Variants in MMP28 observed in about 807,000 individuals in gnomAD.
MMP28 encodes the protein matrix metallopeptidase 28.
MMP28 carries 55 observed loss-of-function variants against 60.5 expected under a neutral mutation model. The observed-to-expected ratio is 0.91, with a 90% CI of 0.73 to 1.14. MMP28 has a LOEUF of 1.14. Among genes scored for constraint, MMP28 ranks in the 50% most tolerant of loss-of-function variants. The pLI, the probability that MMP28 is intolerant of heterozygous loss-of-function variation, is 0.00. For missense variants in MMP28, 686 were observed against 738.3 expected (o/e 0.93, Z 0.82); for synonymous variants, 318 against 312.5 (o/e 1.02, Z -0.18).
chr17:35,775,792 A>G (rs775726127), intron 3 of MMP28, among the ~76,000 whole-genome samples: 8 of 152,134 alleles, frequency 5.3e-5, no homozygotes, highest in Non-Finnish European at 8.8e-5. Flanking sequence ...GGTGCCCCCA[A>G]CCTCCGCCAG....
intron 3 of MMP28, among the ~76,000 whole-genome samples, chr17:35,774,864 G>A (rs2086278463): frequency 6.6e-6 from 1 of 152,226 alleles, no homozygotes; most frequent in South Asian, 2.1e-4. Context: ...TGATGTACCA[G>A]TCATGCTTCT....
intron 1 of MMP28, among the ~76,000 whole-genome samples, chr17:35,781,008 C>T (rs909902788): frequency 6.6e-6 from 1 of 152,072 alleles, no homozygotes; most frequent in Non-Finnish European, 1.5e-5. Context: ...GAGAAGCTTG[C>T]CATGCAATGA....
In MMP28 at chr17:35,793,377, A is replaced by C. The variant is rs1319025205; in HGVS notation, c.111+1890T>G. On this transcript the variant is annotated intron_variant, in intron 1 of 7. Coordinates refer to ENST00000605424, the MANE Select transcript of MMP28 (RefSeq NM_024302.5). ...GCAGGGAGGTGGGGTGGGACTCTTAACAAGACTTGGCTTGGCAGACAGAAG... is the reference window on the plus strand; with the variant it reads ...GCAGGGAGGTGGGGTGGGACTCTTACCAAGACTTGGCTTGGCAGACAGAAG... Among the ~76,000 whole-genome samples, 3 of 151,810 alleles carry C rather than the reference A, an allele frequency of 2.0e-5. No individual in the cohort carries two copies. In the East Asian group the frequency reaches 5.8e-4, roughly 29 times the overall value.
downstream of MMP28, chr17:35,764,225 A>G (rs1280173310): frequency 1.2e-5 from 19 of 1,544,620 alleles, no homozygotes; most frequent in Non-Finnish European, 1.6e-5. Context: ...CCAGGAGTCC[A>G]GCACCCAGCA....
At chr17:35,787,891 T>C (rs538190873) in intron 1 of MMP28, among the ~76,000 whole-genome samples, 2 of 150,396 alleles carry the variant, frequency 1.3e-5, no homozygotes, top group East Asian at 2.0e-4. Flanking sequence ...CACTCTTTTT[T>C]TCTTTCCCTT....
chr17:35,757,387 A>T (rs2085751860), intron 2 of MMP28: 1 of 152,120 alleles, frequency 6.6e-6, no homozygotes, highest in Non-Finnish European at 1.5e-5. Context: ...GCTTCTGAGA[A>T]GTCTCTGCCA....
rs565635812 is a variant in MMP28, at chr17:35,783,769, G to A, written c.112-4446C>T. Among the ~76,000 whole-genome samples the A allele has an allele frequency of 5.3e-5, 8 of 152,202 alleles. No homozygotes were observed. The South Asian group carries it at 1.5e-3, about 28-fold the overall frequency. ...ACTCTGGCAGGCAAGACGGGGTGGA[G>A]GGCAGGATGGGGGTTGGGGGTGAGG... is the stretch of plus-strand genomic sequence containing the variant. On this transcript the variant is annotated intron_variant, in intron 1 of 7. Transcript: ENST00000605424.
rs113987867 is a variant in MMP28 at position 35,779,327 on chromosome 17, C to A, written c.112-4G>T. 8 of 1,609,898 alleles carry A rather than the reference C, an allele frequency of 5.0e-6. No homozygotes were observed. Among genetic ancestry groups the A allele is most frequent in the South Asian group, 1.1e-5 (1 of 90,006 alleles). On this transcript the variant is annotated splice_region_variant and splice_polypyrimidine_tract_variant and intron_variant, in intron 1 of 7. Transcript: ENST00000605424. ...ATCCGTACTTCTCTAGGAATGCCTG[C>A]GGGAGAGAGGAATATCTGCTTTTTC...
chr17:35,767,009 G>T, intron 7 of MMP28, 115 bp from the exon 8 acceptor site: 1 of 975,088 alleles, frequency 1.0e-6, no homozygotes, highest in Non-Finnish European at 1.6e-6. Flanking sequence ...ACGATGGTTG[G>T]TATTCATATC....
At chr17:35,764,214 G>C, downstream of MMP28, 1 of 1,547,276 alleles carries the variant, frequency 6.5e-7, no homozygotes, top group Non-Finnish European at 8.7e-7. Context: ...TGCCCGCTGC[G>C]CCAGGAGTCC....
chr17:35,772,781 T>C (rs1047139794), intron 4 of MMP28, among the ~76,000 whole-genome samples: 1 of 152,112 alleles, frequency 6.6e-6, no homozygotes, highest in African/African-American at 2.4e-5. Context: ...GCAGCGGCTC[T>C]GGTAGTTGGG....
intron 1 of MMP28, among the ~76,000 whole-genome samples, chr17:35,782,156 A>G (rs2086525274): frequency 6.9e-6 from 1 of 144,464 alleles, no homozygotes; most frequent in Non-Finnish European, 1.5e-5. Context: ...GGTTCATGCC[A>G]CTCTCCTGCC....
chr17:35,780,544 A>G (rs1190324501), intron 1 of MMP28, among the ~76,000 whole-genome samples: 26 of 152,146 alleles, frequency 1.7e-4, no homozygotes, highest in Non-Finnish European at 3.8e-4. Context: ...AAAAAATAAG[A>G]CATCCCTAAA....
rs76966038 is a variant in MMP28, at chr17:35,760,514, A to G, written c.266-4095T>C. 6.0e-3 allele frequency among the ~76,000 whole-genome samples: 909 copies of G among 152,330 alleles called. 14 individuals are homozygous for G. Among genetic ancestry groups the G allele is most frequent in the African/African-American group, 0.02 (852 of 41,572 alleles). ...GAAGAGGAAGACAGAATATAATGATACAAACAAACCCAGTGCTTTCAGTGC... is the reference window on the plus strand; with the variant it reads ...GAAGAGGAAGACAGAATATAATGATGCAAACAAACCCAGTGCTTTCAGTGC... On this transcript the variant is annotated intron_variant, in intron 2 of 2. Coordinates refer to the MMP28 transcript ENST00000615317.
chr17:35,766,977 G>C lies in MMP28; in HGVS notation c.1169-83C>G. ...CCCCACTTCTGTCCCCCATACCTCT[G>C]CTCTCCTTTAAGCTGGAGCCCACGA... On this transcript the variant is annotated intron_variant, in intron 7 of 7. Coordinates refer to ENST00000605424, the MANE Select transcript of MMP28 (RefSeq NM_024302.5). This position sits in a 1 kb window ranked among gnomAD's most constrained non-coding sequence, Gnocchi z 4.3. The C allele has an allele frequency of 7.7e-7, 1 of 1,304,306 alleles. No individual in the cohort carries two copies. Among genetic ancestry groups the C allele is most frequent in the Non-Finnish European group, 1.1e-6 (1 of 933,556 alleles). The allele number at this position is 1,304,306 out of a possible 1,614,324, so 80.8% of individuals were successfully genotyped here. A position where few individuals can be genotyped will look rare whatever the true frequency, so the allele number is the denominator to read the frequency against.
At chr17:35,763,917 T>TAAATAAATAAAC, downstream of MMP28, 1 of 931,806 alleles carries the variant, frequency 1.1e-6, no homozygotes, top group Non-Finnish European at 1.4e-6. Flanking sequence ...AATAAATAAA[T>TAAATAAATAAAC]AAATAAATAA....
Position 35,770,048 on chromosome 17 carries a change from G to A in MMP28, c.850+19C>T. On this transcript the variant is annotated intron_variant, in intron 5 of 7. Coordinates refer to ENST00000605424, the MANE Select transcript of MMP28 (RefSeq NM_024302.5). ...GGGCAGGAGTGGGACCAAGAGCGGGGCATGTCCCGGGGCCTCACCATACAG... is the reference window on the plus strand; with the variant it reads ...GGGCAGGAGTGGGACCAAGAGCGGGACATGTCCCGGGGCCTCACCATACAG... 1 of 1,530,554 alleles carries A rather than the reference G, an allele frequency of 6.5e-7. No homozygotes were observed. The highest frequency in any genetic ancestry group is 1.3e-5 in the South Asian group (1 of 78,144). 94.8% of individuals were successfully genotyped at this position (1,530,554 alleles called of 1,614,324 possible).
At chr17:35,776,986 C>T (rs1385612469) in intron 3 of MMP28, among the ~76,000 whole-genome samples, 3 of 152,186 alleles carry the variant, frequency 2.0e-5, no homozygotes, top group South Asian at 2.1e-4. Flanking sequence ...AGGTGAGATA[C>T]AGCCAGAAGG....
At chr17:35,789,055 C>T (rs918347460) in intron 1 of MMP28, among the ~76,000 whole-genome samples, 1 of 152,218 alleles carries the variant, frequency 6.6e-6, no homozygotes, top group Non-Finnish European at 1.5e-5. Flanking sequence ...CACAACACAG[C>T]TTTGTAAGCA....
Sources: allele counts gnomAD v4.1 joint callset (sites outside exome capture counted in the v4.1 genomes callset), GRCh38; gene constraint gnomAD v4.1.1; non-coding constraint Gnocchi (gnomAD v3.1); transcripts MANE v1.5; gene names NCBI Gene and HGNC (gene_info 2026-07-23, HGNC 2026-07-21).